LRP1: variants seen among roughly 807,000 people sequenced by gnomAD.
LRP1 encodes prolow-density lipoprotein receptor-related protein 1.
A neutral mutation model predicts 541.5 loss-of-function variants in LRP1; 51 were observed. The ratio of observed to expected loss-of-function variants is 0.09; its 90% confidence interval spans 0.08 to 0.12. The LOEUF (loss-of-function observed/expected upper bound fraction) is 0.12, where lower values mean the gene tolerates loss of function less well. Ranked by LOEUF, LRP1 falls within the 10% of genes least tolerant of loss-of-function variation. The pLI, the probability that LRP1 is intolerant of heterozygous loss-of-function variation, is 1.00. For missense variants in LRP1, 3,878 were observed against 6,376.2 expected (o/e 0.61, Z 13.34); for synonymous variants, 2,219 against 2,470.8 (o/e 0.90, Z 3.02).
chr12:57,180,121 G>A lies in LRP1; in HGVS notation c.5216G>A (p.Ser1739Asn), dbSNP rs758509229. 8 of 1,613,794 alleles carry A rather than the reference G, an allele frequency of 5.0e-6. No individual in the cohort carries two copies. The highest frequency in any genetic ancestry group is 1.1e-5 in the South Asian group (1 of 91,082). Residue 1739 changes from serine (S) to asparagine (N), a missense_variant, in exon 31 of 89, where the codon AGT becomes AAT. Ser to Asn is a conservative substitution (Grantham distance 46). Around this residue, in one of 13 missense-constraint regions of LRP1, gnomAD observed 394 missense variants for 635.9 expected, o/e 0.62. Transcript: ENST00000243077. ...MDGSNRTLLF[S>N]GQKGPVGLAI... The stretch of plus-strand genomic sequence containing the variant: ...GGCAGCAATCGCACCCTGCTCTTCA[G>A]TGGCCAGAAGGGCCCCGTGGGTACG...
At chr12:57,139,488 C>T (rs1438942618) in intron 2 of LRP1, among the ~76,000 whole-genome samples, 1 of 152,064 alleles carries the variant, frequency 6.6e-6, no homozygotes, top group African/African-American at 2.4e-5. Context: ...TTGTCTGGTG[C>T]CACCTGCACC....
At chr12:57,132,453 C>G (rs181492841) in intron 1 of LRP1, among the ~76,000 whole-genome samples, 1 of 152,276 alleles carries the variant, frequency 6.6e-6, no homozygotes, top group African/African-American at 2.4e-5. Flanking sequence ...GAGTCAGGCA[C>G]TGCCTAGGGC....
intron 6 of LRP1, chr12:57,147,547 G>GC (rs1315839963): frequency 1.3e-5 from 2 of 152,230 alleles, no homozygotes; most frequent in East Asian, 3.9e-4. Flanking sequence ...CTCCCTGCAA[G>GC]CCTTCCATTC....
chr12:57,195,465 G>A, intron 52 of LRP1, 66 bp downstream of exon 52: 1 of 1,588,898 alleles, frequency 6.3e-7, no homozygotes, highest in Non-Finnish European at 8.5e-7. Context: ...TGCAGATGGG[G>A]AAGCCGGGGT....
In LRP1 at chr12:57,185,782, C is replaced by G; in HGVS notation, c.6715C>G (p.Leu2239Val). The change falls in exon 41 of 89, where the codon CTG becomes GTG. Residue 2239 changes from leucine (L) to valine (V), a missense_variant. Transcript: ENST00000243077. This position sits in a 1 kb window ranked among gnomAD's most constrained non-coding sequence, Gnocchi z 4.9. ...TGAGCACATGAAGAACGTCATCGCC[C>G]TGGCCTTTGACTACCGGGCAGGCAC... ...DPEHMKNVIA[L>V]AFDYRAGTSP... 6.2e-7 allele frequency: 1 copy of G among 1,614,234 alleles called. No homozygotes were observed. Among genetic ancestry groups the G allele is most frequent in the East Asian group, 2.2e-5 (1 of 44,888 alleles).
intron 79 of LRP1, 25 bp from the exon 80 acceptor site, chr12:57,209,667 C>T (rs753493580): frequency 1.2e-6 from 2 of 1,612,080 alleles, no homozygotes; most frequent in Non-Finnish European, 1.7e-6. Context: ...CCTCAGGTCC[C>T]CTCTGACTCC....
At chr12:57,169,972 C>T (rs931481145) in intron 20 of LRP1, among the ~76,000 whole-genome samples, 21 of 152,234 alleles carry the variant, frequency 1.4e-4, no homozygotes, top group East Asian at 1.9e-4. Flanking sequence ...TAGTTTCTCT[C>T]GTCTCACAGT....
chr12:57,190,790 A>G lies in LRP1; in HGVS notation c.7032-15A>G. 1 of 1,611,472 alleles carries G rather than the reference A, an allele frequency of 6.2e-7. No individual in the cohort carries two copies. Among genetic ancestry groups the G allele is most frequent in the Non-Finnish European group, 8.5e-7 (1 of 1,178,644 alleles). On this transcript the variant is annotated splice_polypyrimidine_tract_variant and intron_variant, in intron 42 of 88. Transcript: ENST00000243077. ...TCAGGCTTTGCCTCCTGATCTCTGGACCCTCTTCCCCCAGCCTCATGTTCT... is the reference window on the plus strand; with the variant it reads ...TCAGGCTTTGCCTCCTGATCTCTGGGCCCTCTTCCCCCAGCCTCATGTTCT...
intron 1 of LRP1, among the ~76,000 whole-genome samples, chr12:57,129,373 C>T (rs905754178): frequency 2.6e-5 from 4 of 152,166 alleles, no homozygotes; most frequent in Non-Finnish European, 4.4e-5. Flanking sequence ...CTCACAACCC[C>T]CCACCCCCCA....
intron 67 of LRP1, 164 bp downstream of exon 67, chr12:57,202,069 G>A: frequency 1.2e-6 from 1 of 869,176 alleles, no homozygotes; most frequent in Non-Finnish European, 1.8e-6. Context: ...GGCCTGGCTG[G>A]AGCTCACTTC....
chr12:57,196,226 C>T lies in LRP1; in HGVS notation c.8841C>T (p.Arg2947=). 6.2e-7 allele frequency: 1 copy of T among 1,611,346 alleles called. No individual in the cohort carries two copies. The highest frequency in any genetic ancestry group is 8.5e-7 in the Non-Finnish European group (1 of 1,178,456). The stretch of plus-strand genomic sequence containing the variant: ...GCCACATCAATGAGTGTCTCAGCCG[C>T]AAGCTCAGTGGCTGCAGCCAGGACT... ...RGCHINECLS[R]KLSGCSQDCE... is the part of the protein sequence containing the mutation. The change falls in exon 55 of 89, where the codon CGC becomes CGT. Residue 2947 remains arginine (R), a synonymous_variant. Coordinates refer to ENST00000243077, the MANE Select transcript of LRP1 (RefSeq NM_002332.3).
intron 2 of LRP1, 69 bp downstream of exon 2, chr12:57,138,650 GGAGGAGGACA>G: frequency 6.3e-7 from 1 of 1,589,774 alleles, no homozygotes; most frequent in Non-Finnish European, 8.6e-7. Context: ...CAGATGTTTG[GGAGGAGGACA>G]GCTGATCCCT....
At position 57,156,759 on chromosome 12, in the gene LRP1, T is replaced by C. The variant is rs2035627896; in HGVS notation, c.1418-18T>C. 6.3e-7 allele frequency: 1 copy of C among 1,597,230 alleles called. No individual in the cohort carries two copies. On this transcript the variant is annotated intron_variant, in intron 9 of 88. Coordinates refer to ENST00000243077, the MANE Select transcript of LRP1 (RefSeq NM_002332.3). This position sits in a 1 kb window ranked among gnomAD's most constrained non-coding sequence, Gnocchi z 5.2. ...AGGGGCTCTGAGGGGTCCTAACAGCTCTTCACCCTGCCCCCAGTGAGGAGC... is the reference window on the plus strand; with the variant it reads ...AGGGGCTCTGAGGGGTCCTAACAGCCCTTCACCCTGCCCCCAGTGAGGAGC...
At chr12:57,199,068 T>G in intron 60 of LRP1, 144 bp from the exon 61 acceptor site, 1 of 758,002 alleles carries the variant, frequency 1.3e-6, no homozygotes, top group Non-Finnish European at 2.2e-6. Context: ...TGTGAGACCA[T>G]GGGGGGTCTG....
At chr12:57,141,727 C>A (rs190845643) in intron 3 of LRP1, among the ~76,000 whole-genome samples, 483 of 152,238 alleles carry the variant, frequency 3.2e-3, no homozygotes, top group Non-Finnish European at 4.4e-3. Context: ...GTAGCCTGGG[C>A]ACTTCCCTCT....
rs1428315236 is a variant in LRP1, at chr12:57,189,115, G to A, written c.7031+1659G>A. On this transcript the variant is annotated intron_variant, in intron 42 of 88. Coordinates refer to ENST00000243077, the MANE Select transcript of LRP1 (RefSeq NM_002332.3). The surrounding 1 kb of genome is among the most constrained non-coding windows in gnomAD (Gnocchi z 4.4). ...TCACAGTAGGATAGTTAGAAGGTCC[G>A]CCATGTTCCTGGACACTGAGCACCT... is the stretch of plus-strand genomic sequence containing the variant. 1.3e-5 allele frequency among the ~76,000 whole-genome samples: 2 copies of A among 152,150 alleles called. No individual in the cohort carries two copies. The highest frequency in any genetic ancestry group is 4.8e-5 in the African/African-American group (2 of 41,422).
chr12:57,163,117 A>G, intron 15 of LRP1, 134 bp downstream of exon 15: 1 of 1,300,498 alleles, frequency 7.7e-7, no homozygotes, highest in Non-Finnish European at 1.0e-6. Context: ...GGCCAACAGG[A>G]AGCAAGGGAG....
chr12:57,176,631 A>T (rs1190491187), intron 24 of LRP1, among the ~76,000 whole-genome samples: 2 of 152,340 alleles, frequency 1.3e-5, no homozygotes, highest in African/African-American at 4.8e-5. Context: ...ATTGTTTGTA[A>T]TAATACAAAC....
intron 82 of LRP1, 44 bp from the exon 83 acceptor site, chr12:57,210,674 G>T (rs751737847): frequency 6.3e-7 from 1 of 1,579,806 alleles, no homozygotes; most frequent in South Asian, 1.1e-5. Flanking sequence ...AGGGCCAGGT[G>T]GTCTCGAGGG....
Sources: allele counts gnomAD v4.1 joint callset (sites outside exome capture counted in the v4.1 genomes callset), GRCh38; gene constraint gnomAD v4.1.1; regional missense constraint gnomAD v4.1.1; non-coding constraint Gnocchi (gnomAD v3.1); transcripts MANE v1.5; gene names NCBI Gene and HGNC (gene_info 2026-07-23, HGNC 2026-07-21).